The following KMT2C variants were observed in gnomAD, a reference collection of about 807,000 sequenced individuals.
KMT2C encodes histone-lysine N-methyltransferase 2C.
Under a neutral mutation model 507.9 loss-of-function variants are expected in KMT2C, and 88 were observed. The ratio of observed to expected loss-of-function variants is 0.17; its 90% CI spans 0.15 to 0.21. The LOEUF (loss-of-function observed/expected upper bound fraction) is 0.21. KMT2C is among the 10% of genes least tolerant of loss of function. KMT2C has a pLI of 1.00. For missense variants in KMT2C, 4,954 were observed against 5,957.8 expected (o/e 0.83, Z 5.55); for synonymous variants, 2,049 against 2,080.8 (o/e 0.98, Z 0.42).
intron 1 of KMT2C, among the ~76,000 whole-genome samples, chr7:152,401,009 AAAC>A (rs1424483708): frequency 6.6e-6 from 1 of 152,208 alleles, no homozygotes; most frequent in Non-Finnish European, 1.5e-5. Flanking sequence ...AAAAACCAAG[AAAC>A]AATACAAAGA....
chr7:152,378,051 T>A (rs193178972), intron 1 of KMT2C, among the ~76,000 whole-genome samples: 12 of 152,330 alleles, frequency 7.9e-5, no homozygotes, highest in Non-Finnish European at 1.6e-4. Context: ...TTAGGAGTTG[T>A]TCCTTACAGA....
At chr7:152,346,980 A>T (rs1440065542) in intron 2 of KMT2C, among the ~76,000 whole-genome samples, 1 of 152,132 alleles carries the variant, frequency 6.6e-6, no homozygotes, top group East Asian at 1.9e-4. Context: ...ACAAAAACTT[A>T]GCTGGGCGTG....
Position 152,139,268 on chromosome 7 carries a change from AAAGT to A in KMT2C, c.14461-13_14461-10del. 1 of 1,612,742 alleles carries A rather than the reference AAAGT, an allele frequency of 6.2e-7. No individual in the cohort carries two copies. The highest frequency in any genetic ancestry group is 8.5e-7 in the Non-Finnish European group (1 of 1,179,812). On this transcript the variant is annotated splice_polypyrimidine_tract_variant and intron_variant, in intron 56 of 58. Transcript: ENST00000262189. ...ATGTACACACCACGGTTCTGAGGGA[AAAGT>A]CAGTCAGTAAGTCATCAATGTCGAC...
chr7:152,367,899 C>G, intron 1 of KMT2C: 1 of 1,046,332 alleles, frequency 9.6e-7, no homozygotes, highest in Non-Finnish European at 1.5e-6. Context: ...GAAGCGTTCG[C>G]ATGAAAAAGT....
intron 31 of KMT2C, among the ~76,000 whole-genome samples, chr7:152,190,814 T>A (rs916400145): frequency 6.6e-6 from 1 of 152,168 alleles, no homozygotes; most frequent in Non-Finnish European, 1.5e-5. Flanking sequence ...TCTCATCAAT[T>A]CTATTGAAGT....
chr7:152,159,628 T>G (rs1344248996), intron 43 of KMT2C, among the ~76,000 whole-genome samples: 2 of 152,208 alleles, frequency 1.3e-5, no homozygotes, highest in East Asian at 1.9e-4. Flanking sequence ...ACAACCGTAT[T>G]TGACTGAAAA....
At chr7:152,427,846 A>G (rs1367920725) in intron 1 of KMT2C, among the ~76,000 whole-genome samples, 1 of 152,120 alleles carries the variant, frequency 6.6e-6, no homozygotes, top group Non-Finnish European at 1.5e-5. Context: ...ATCTATTTGG[A>G]TGCCTGCTAC....
intron 1 of KMT2C, among the ~76,000 whole-genome samples, chr7:152,426,343 T>G (rs2097819416): frequency 6.9e-6 from 1 of 144,400 alleles, no homozygotes; most frequent in Non-Finnish European, 1.5e-5. Context: ...GCTCAAGCAA[T>G]CCTCCCATCT....
intron 1 of KMT2C, chr7:152,368,325 C>G (rs2097263875): frequency 8.3e-7 from 1 of 1,199,458 alleles, no homozygotes; most frequent in South Asian, 1.3e-5. Flanking sequence ...TTGATAACAA[C>G]AAGAATAAAG....
At chr7:152,321,274 A>G (rs2096770903) in intron 3 of KMT2C, among the ~76,000 whole-genome samples, 1 of 151,910 alleles carries the variant, frequency 6.6e-6, no homozygotes, top group Non-Finnish European at 1.5e-5. Flanking sequence ...TGGAAACTAG[A>G]AAAGATATTG....
intron 1 of KMT2C, among the ~76,000 whole-genome samples, chr7:152,407,754 T>C (rs2097633395): frequency 6.6e-6 from 1 of 152,302 alleles, no homozygotes; most frequent in Non-Finnish European, 1.5e-5. Context: ...GTCTTTTACT[T>C]ATTTTACATT....
intron 1 of KMT2C, among the ~76,000 whole-genome samples, chr7:152,382,269 A>G (rs941243183): frequency 3.9e-5 from 6 of 152,306 alleles, no homozygotes; most frequent in African/African-American, 1.4e-4. Flanking sequence ...TAAGAAATCA[A>G]CTTATAGGGA....
chr7:152,145,127 TAC>T, intron 54 of KMT2C, 24 bp downstream of exon 54: 1 of 1,611,904 alleles, frequency 6.2e-7, no homozygotes, highest in Non-Finnish European at 8.5e-7. Context: ...CCCTGGGCTG[TAC>T]TATGTGAAGT....
Position 152,144,764 on chromosome 7 carries a change from C to A in KMT2C, c.14292G>T (p.Lys4764Asn), listed in dbSNP as rs1238849180. Residue 4764 changes from lysine (K) to asparagine (N), a missense_variant, in exon 55 of 59, where the codon AAG becomes AAT. Coordinates refer to ENST00000262189, the MANE Select transcript of KMT2C (RefSeq NM_170606.3). This position sits in a 1 kb window ranked among gnomAD's most constrained non-coding sequence, Gnocchi z 4.4. The part of the protein sequence containing the change: ...FVHSKSSQYR[K>N]MKTEWKSNVY... ...CATTGGATTTCCATTCAGTTTTCAT[C>A]TTCCGGTACTGCGATGACTTGGAGT... 6.2e-7 allele frequency: 1 copy of A among 1,614,132 alleles called. No homozygotes were observed. Among genetic ancestry groups the A allele is most frequent in the Non-Finnish European group, 8.5e-7 (1 of 1,180,002 alleles).
rs903659403 is a variant in KMT2C at position 152,296,972 on chromosome 7, A to G, written c.849+12994T>C. On this transcript the variant is annotated intron_variant, in intron 6 of 58. Coordinates refer to ENST00000262189, the MANE Select transcript of KMT2C (RefSeq NM_170606.3). The stretch of plus-strand genomic sequence containing the variant: ...CTGACAAACATGGTGAAATCCCATC[A>G]CCACTAAAAAGAAAGAAAGAAAGAA... Among the ~76,000 whole-genome samples, 5 of 149,634 alleles carry G rather than the reference A, an allele frequency of 3.3e-5. No homozygotes were observed. The East Asian group carries it at 9.8e-4, about 29-fold the overall frequency.
chr7:152,355,502 A>T (rs968127984), intron 2 of KMT2C, among the ~76,000 whole-genome samples: 4 of 152,146 alleles, frequency 2.6e-5, no homozygotes, highest in Admixed American at 2.0e-4. Flanking sequence ...ATACATAAGA[A>T]GATGAGCGAA....
chr7:152,237,498 T>G (rs2095300570), intron 15 of KMT2C, among the ~76,000 whole-genome samples: 1 of 152,040 alleles, frequency 6.6e-6, no homozygotes, highest in East Asian at 1.9e-4. Flanking sequence ...TGGGGGTTTT[T>G]TTTGTTTGTT....
chr7:152,313,087 CT>C (rs1265463247), intron 4 of KMT2C, among the ~76,000 whole-genome samples: 1 of 152,024 alleles, frequency 6.6e-6, no homozygotes, highest in African/African-American at 2.4e-5. Context: ...AATGCATAGA[CT>C]TTTTTTAAAA....
intron 1 of KMT2C, among the ~76,000 whole-genome samples, chr7:152,422,114 C>G (rs949735013): frequency 6.6e-6 from 1 of 152,006 alleles, no homozygotes; most frequent in African/African-American, 2.4e-5. Flanking sequence ...ACCCAAAATA[C>G]ATACTTCTAC....
Sources: gnomAD v4.1 joint callset for allele counts (sites outside exome capture counted in the v4.1 genomes callset) on GRCh38, gnomAD v4.1.1 for gene constraint, Gnocchi (gnomAD v3.1) non-coding constraint, MANE v1.5 for transcripts, NCBI Gene and HGNC (gene_info 2026-07-23, HGNC 2026-07-21) for gene names.